ARHGAP29: variants seen among roughly 807,000 people sequenced by gnomAD.
The protein encoded by ARHGAP29 is rho GTPase-activating protein 29.
A neutral mutation model predicts 122.6 loss-of-function variants in ARHGAP29; 43 were observed. The ratio of observed to expected loss-of-function variants is 0.35; its 90% CI spans 0.27 to 0.45. The LOEUF (loss-of-function observed/expected upper bound fraction) is 0.45. ARHGAP29 is among the 20% of genes least tolerant of loss of function. ARHGAP29 has a pLI of 1.00. For missense variants in ARHGAP29, 1,303 were observed against 1,477.2 expected (o/e 0.88, Z 1.93); for synonymous variants, 506 against 497.1 (o/e 1.02, Z -0.24).
At chr1:94,314,480 T>A in the ARHGAP29 span, among the ~76,000 whole-genome samples, 6 of 152,226 alleles carry the variant, frequency 3.9e-5, no homozygotes, top group Admixed American at 6.5e-5. Context: ...TTCTCATTTA[T>A]AACACTTACA....
Position 94,170,469 on chromosome 1 carries a change from T to G in ARHGAP29, c.*3400A>C, listed in dbSNP as rs978880292. Among the ~76,000 whole-genome samples, 3 of 152,206 alleles carry G rather than the reference T, an allele frequency of 2.0e-5. No individual in the cohort carries two copies. The highest frequency in any genetic ancestry group is 2.9e-5 in the Non-Finnish European group (2 of 68,036). ...CAAGAGATAGGGCAACTAAATGCAC[T>G]ATGTGGTCCTGGATTGGGATGCTGA... On this transcript the variant is annotated 3_prime_UTR_variant, in exon 23 of 23. Coordinates refer to ENST00000260526, the MANE Select transcript of ARHGAP29 (RefSeq NM_004815.4).
chr1:94,267,059 C>T (rs1451402067), intron 1 of ARHGAP29, among the ~76,000 whole-genome samples: 2 of 152,188 alleles, frequency 1.3e-5, no homozygotes, highest in Admixed American at 6.5e-5. Context: ...GGATTTTGCT[C>T]ATCTTTGGCT....
intron 16 of ARHGAP29, among the ~76,000 whole-genome samples, chr1:94,186,225 C>T (rs1371432343): frequency 6.6e-6 from 1 of 152,174 alleles, no homozygotes; most frequent in African/African-American, 2.4e-5. Flanking sequence ...TGAAAATGCA[C>T]AATATCTAGC....
At position 94,205,185 on chromosome 1, in the gene ARHGAP29, AG is replaced by A; in HGVS notation, c.572del (p.Pro191LeufsTer2). ...DSSSEKGNFS[P>X]LELDNVLLKN... The stretch of plus-strand genomic sequence containing the variant: ...TTAACAGCACGTTGTCTAGTTCTAA[AG>A]GGGAAAAATTTCCTGAAAACAAAAA... On this transcript the variant is annotated frameshift_variant, in exon 7 of 23. Coordinates refer to ENST00000260526, the MANE Select transcript of ARHGAP29 (RefSeq NM_004815.4). LOFTEE classifies it high-confidence loss of function. The A allele has an allele frequency of 6.3e-7, 1 of 1,583,974 alleles. No individual in the cohort carries two copies. Among genetic ancestry groups the A allele is most frequent in the Non-Finnish European group, 8.5e-7 (1 of 1,170,254 alleles).
chr1:94,179,626 TAAGA>T (rs1649325242), intron 20 of ARHGAP29, 95 bp downstream of exon 20: 2 of 512,710 alleles, frequency 3.9e-6, no homozygotes, highest in South Asian at 2.7e-5. Flanking sequence ...AAAGAATGGC[TAAGA>T]AAGTAAATTT....
intron 20 of ARHGAP29, 82 bp downstream of exon 20, chr1:94,179,643 T>TTATG (rs1214151228): frequency 2.2e-6 from 2 of 920,062 alleles, no homozygotes; most frequent in Non-Finnish European, 3.2e-6. Flanking sequence ...GTAAATTTTG[T>TTATG]TATGTGGATT....
At chr1:94,306,399 T>C in the ARHGAP29 span, among the ~76,000 whole-genome samples, 4,614 of 152,336 alleles carry the variant, frequency 0.03, 252 homozygotes, top group African/African-American at 0.11. Flanking sequence ...ACTTCAATAG[T>C]TCTTAACTTT....
Position 94,220,253 on chromosome 1 carries a change from C to T in ARHGAP29, c.340+5G>A, listed in dbSNP as rs771409673. ...AGCAACCCACTTTTACTATATCTTC[C>T]TTACCTTTCACTTTTGCAGTGAGCA... On this transcript the variant is annotated splice_donor_5th_base_variant and intron_variant, in intron 3 of 22. Transcript: ENST00000260526. 7 of 1,613,084 alleles carry T rather than the reference C, an allele frequency of 4.3e-6. No individual in the cohort carries two copies. In the South Asian group the frequency reaches 7.7e-5, roughly 18 times the overall value.
At position 94,174,126 on chromosome 1, in the gene ARHGAP29, T is replaced by A; in HGVS notation, c.3529A>T (p.Arg1177Trp). ...YKPHAPIISIRGNEEKPASPS... is the reference protein window; with the variant it reads ...YKPHAPIISIWGNEEKPASPS... Reference sequence around the variant, plus strand: ...GAAGCTGGCTTCTCCTCATTCCCCCTGATACTGATGATGGGAGCATGTGGT... The same window carrying A: ...GAAGCTGGCTTCTCCTCATTCCCCCAGATACTGATGATGGGAGCATGTGGT... Residue 1177 changes from arginine to tryptophan, a missense_variant, in exon 23 of 23, where the codon AGG becomes TGG. Arg to Trp is a moderately radical substitution (Grantham distance 101, BLOSUM62 -3). This residue lies in a region of ARHGAP29 where 620 missense variants were observed against 651.2 expected (regional missense o/e 0.95). Transcript: ENST00000260526. 6.2e-7 allele frequency: 1 copy of A among 1,614,128 alleles called. No individual in the cohort carries two copies. Among genetic ancestry groups the A allele is most frequent in the East Asian group, 2.2e-5 (1 of 44,876 alleles).
At chr1:94,180,660 G>T (rs915781708) in intron 19 of ARHGAP29, among the ~76,000 whole-genome samples, 4 of 152,144 alleles carry the variant, frequency 2.6e-5, no homozygotes, top group Non-Finnish European at 2.9e-5. Context: ...GGGTAGCCTT[G>T]AGATCAATTT....
chr1:94,289,180 A>G, the ARHGAP29 span, among the ~76,000 whole-genome samples: 1 of 152,130 alleles, frequency 6.6e-6, no homozygotes, highest in Non-Finnish European at 1.5e-5. Context: ...AGTGGTTTGT[A>G]GTTCTCCTTG....
chr1:94,195,776 T>C (rs975927860), intron 12 of ARHGAP29: 5 of 152,004 alleles, frequency 3.3e-5, no homozygotes, highest in African/African-American at 1.2e-4. Flanking sequence ...AGAAACTCAC[T>C]TTAAATATGA....
In ARHGAP29 at chr1:94,237,447, C is replaced by T; in HGVS notation, c.-65G>A. 1.0e-6 allele frequency: 1 copy of T among 987,230 alleles called. No homozygotes were observed. The highest frequency in any genetic ancestry group is 1.2e-6 in the Non-Finnish European group (1 of 830,900). 61.2% of individuals were successfully genotyped at this position (987,230 alleles called of 1,614,324 possible). A position where few individuals can be genotyped will look rare whatever the true frequency, so the allele number is the denominator to read the frequency against. Reference sequence around the variant, plus strand: ...CTCCATCTCGCGTGCCGGACGCGGACGCCCGCCCCACACCTACGGCCGCCG... The same window carrying T: ...CTCCATCTCGCGTGCCGGACGCGGATGCCCGCCCCACACCTACGGCCGCCG... On this transcript the variant is annotated 5_prime_UTR_variant, in exon 1 of 23. Transcript: ENST00000260526.
chr1:94,199,554 CT>C (rs1395465517), intron 12 of ARHGAP29, among the ~76,000 whole-genome samples: 1 of 152,188 alleles, frequency 6.6e-6, no homozygotes, highest in East Asian at 1.9e-4. Flanking sequence ...AGCAACAAGT[CT>C]CAAGTCTATA....
At chr1:94,263,590 G>A (rs1012052575) in intron 1 of ARHGAP29, among the ~76,000 whole-genome samples, 2 of 152,016 alleles carry the variant, frequency 1.3e-5, no homozygotes, top group Non-Finnish European at 2.9e-5. Flanking sequence ...TACATAATAT[G>A]TTTATATTTT....
chr1:94,270,449 A>G (rs2100731567), intron 1 of ARHGAP29, among the ~76,000 whole-genome samples: 1 of 152,342 alleles, frequency 6.6e-6, no homozygotes, highest in Admixed American at 6.5e-5. Flanking sequence ...GGAACTACCC[A>G]TTATGAGTTG....
At chr1:94,284,725 A>G in the ARHGAP29 span, among the ~76,000 whole-genome samples, 1 of 152,352 alleles carries the variant, frequency 6.6e-6, no homozygotes, top group Non-Finnish European at 1.5e-5. Context: ...TAAGCCACTG[A>G]TACTCCGAGA....
intron 12 of ARHGAP29, among the ~76,000 whole-genome samples, chr1:94,199,154 TG>T (rs1018219186): frequency 2.0e-5 from 3 of 152,056 alleles, no homozygotes; most frequent in African/African-American, 7.2e-5. Context: ...GATGAGTTGA[TG>T]GGTGCAGCAA....
chr1:94,206,689 G>A (rs1015364422), intron 5 of ARHGAP29, among the ~76,000 whole-genome samples: 7 of 151,950 alleles, frequency 4.6e-5, no homozygotes, highest in Non-Finnish European at 8.8e-5. Context: ...CTGAGGTCAG[G>A]AGCTCGAGGC....
Sources: allele counts gnomAD v4.1 joint callset (sites outside exome capture counted in the v4.1 genomes callset), GRCh38; gene constraint gnomAD v4.1.1; regional missense constraint gnomAD v4.1.1; transcripts MANE v1.5; gene names NCBI Gene and HGNC (gene_info 2026-07-23, HGNC 2026-07-21).